Variants in ABCF1 observed in about 807,000 individuals in gnomAD.
ABCF1 encodes ATP-binding cassette sub-family F member 1.
A neutral mutation model predicts 126.3 loss-of-function variants in ABCF1; 73 were observed. The ratio of observed to expected loss-of-function variants is 0.58; its 90% CI spans 0.48 to 0.70. The LOEUF (loss-of-function observed/expected upper bound fraction) is 0.70. ABCF1 is among the 30% of genes least tolerant of loss of function. The probability of loss-of-function intolerance (pLI) is 0.00; values close to 1 mark genes in which losing one functional copy is unlikely to be tolerated. For missense variants in ABCF1, 786 were observed against 1,057.5 expected, an observed-to-expected ratio of 0.74 and a Z score of 3.56; for synonymous variants, 345 against 396.4, an observed-to-expected ratio of 0.87 and a Z score of 1.54.
In ABCF1 at chr6:30,584,653, A is replaced by G. The variant is rs772173002; in HGVS notation, c.1391+87A>G. ...TTCCCTTCTCATTCTTCCAAGGCCAATAGGGAGGCTCAAGGCTTACCTCTC... is the reference window on the plus strand; with the variant it reads ...TTCCCTTCTCATTCTTCCAAGGCCAGTAGGGAGGCTCAAGGCTTACCTCTC... On this transcript the variant is annotated intron_variant, in intron 14 of 24. Coordinates refer to ENST00000326195, the MANE Select transcript of ABCF1 (RefSeq NM_001025091.2). The surrounding 1 kb of genome is among the most constrained non-coding windows in gnomAD (Gnocchi z 4.6). The G allele has an allele frequency of 2.7e-6, 4 of 1,485,138 alleles. No homozygotes were observed. The highest frequency in any genetic ancestry group is 2.8e-5 in the African/African-American group (2 of 71,432). The allele number at this position is 1,485,138 out of a possible 1,614,324, so 92.0% of individuals were successfully genotyped here. A position where few individuals can be genotyped will look rare whatever the true frequency, so the allele number is the denominator to read the frequency against.
chr6:30,585,209 G>C (rs922222352), intron 14 of ABCF1, 51 bp from the exon 15 acceptor site: 1 of 1,527,720 alleles, frequency 6.5e-7, no homozygotes. Context: ...GGGGTTGTCT[G>C]AGCAAGGATC....
intron 1 of ABCF1, among the ~76,000 whole-genome samples, chr6:30,575,110 C>A (rs1369054564): frequency 6.8e-6 from 1 of 146,934 alleles, no homozygotes; most frequent in Non-Finnish European, 1.5e-5. Context: ...CGCTGTGTCA[C>A]CCAGGCTGGA....
intron 7 of ABCF1, 46 bp from the exon 8 acceptor site, chr6:30,580,360 G>GAAA: frequency 7.9e-6 from 8 of 1,014,930 alleles, no homozygotes; most frequent in Admixed American, 4.2e-5. Context: ...AAAAAAAAAA[G>GAAA]AAAAAAAAAA....
rs1337357978 is a variant in ABCF1, at chr6:30,583,832, C to T, written c.1044C>T (p.His348=). Residue 348 remains histidine, a synonymous_variant, in exon 12 of 25, where the codon CAC becomes CAT. Transcript: ENST00000326195. The surrounding 1 kb of genome is among the most constrained non-coding windows in gnomAD (Gnocchi z 4.1). ...AGGGCAAGACCACACTCCTCAAGCA[C>T]ATTGCCAACCGAGCCCTGAGCATCC... ...NGKGKTTLLK[H]IANRALSIPP... is the part of the protein sequence containing the mutation. 2 of 1,614,184 alleles carry T rather than the reference C, an allele frequency of 1.2e-6. No individual in the cohort carries two copies. The highest frequency in any genetic ancestry group is 1.7e-6 in the Non-Finnish European group (2 of 1,180,034).
rs765058477 is a variant in ABCF1 at position 30,586,761 on chromosome 6, C to T, written c.2031+50C>T. 2.6e-5 allele frequency: 41 copies of T among 1,592,382 alleles called. No homozygotes were observed. Among genetic ancestry groups the T allele is most frequent in the Non-Finnish European group, 3.4e-5 (40 of 1,162,266 alleles). ...GAGCATGAGAAATGTGAAGACACAGCTGCTTTTGCCAGAAGCTGGAATCAG... is the reference window on the plus strand; with the variant it reads ...GAGCATGAGAAATGTGAAGACACAGTTGCTTTTGCCAGAAGCTGGAATCAG... On this transcript the variant is annotated intron_variant, in intron 20 of 24. Transcript: ENST00000326195. This position sits in a 1 kb window ranked among gnomAD's most constrained non-coding sequence, Gnocchi z 4.9.
intron 20 of ABCF1, among the ~76,000 whole-genome samples, chr6:30,589,213 G>T (rs1018582192): frequency 1.3e-5 from 2 of 151,890 alleles, no homozygotes; most frequent in African/African-American, 4.8e-5. Flanking sequence ...TGGCCAGCCT[G>T]GTCTCAAACT....
rs764298332 is a variant in ABCF1 at position 30,580,470 on chromosome 6, A to G, written c.629A>G (p.Glu210Gly). 6.5e-7 allele frequency: 1 copy of G among 1,529,514 alleles called. No individual in the cohort carries two copies. The highest frequency in any genetic ancestry group is 1.3e-5 in the South Asian group (1 of 75,952). The allele number at this position is 1,529,514 out of a possible 1,614,324, so 94.7% of individuals were successfully genotyped here. The change falls in exon 8 of 25, where the codon GAA (glutamate) becomes GGA (glycine). Residue 210 changes from glutamate to glycine, a missense_variant. Glu to Gly is a moderately conservative substitution (Grantham distance 98). This residue lies in a region of ABCF1 where 322 missense variants were observed against 322.9 expected (regional missense o/e 1.00). Coordinates refer to ENST00000326195, the MANE Select transcript of ABCF1 (RefSeq NM_001025091.2). The part of the protein sequence containing the change: ...EEDKEEEIIK[E>G]KEPPKQGKEK... ...GATAAAGAAGAAGAAATTATAAAGG[A>G]AAAGGAGCCTCCCAAACAAGGGAAG...
At position 30,585,896 on chromosome 6, in the gene ABCF1, T is replaced by G. The variant is rs748765227; in HGVS notation, c.1618T>G (p.Tyr540Asp). 6.2e-7 allele frequency: 1 copy of G among 1,606,762 alleles called. No individual in the cohort carries two copies. Among genetic ancestry groups the G allele is most frequent in the South Asian group, 1.1e-5 (1 of 90,310 alleles). ...TGCCCCAGTGACCTTCAAAAAGATG[T>G]ACCAGCAGAAGCAGAAAGAACTGCT... ...RGNYMTFKKM[Y>D]QQKQKELLKQ... The change falls in exon 17 of 25, where the codon TAC (tyrosine) becomes GAC (aspartate). Residue 540 changes from tyrosine to aspartate, a missense_variant. This residue lies in a region of ABCF1 where 288 missense variants were observed against 423.5 expected (regional missense o/e 0.68). Transcript: ENST00000326195.
intron 1 of ABCF1, among the ~76,000 whole-genome samples, chr6:30,573,914 T>C (rs961849685): frequency 7.2e-5 from 11 of 152,026 alleles, no homozygotes; most frequent in African/African-American, 2.2e-4. Context: ...TACGAAACAG[T>C]AATGGGGGAG....
In ABCF1 at chr6:30,583,958, G is replaced by C. The variant is rs556546828; in HGVS notation, c.1102+68G>C. The C allele has an allele frequency of 2.6e-6, 4 of 1,554,540 alleles. No individual in the cohort carries two copies. The highest frequency in any genetic ancestry group is 3.5e-6 in the Non-Finnish European group (4 of 1,131,000). On this transcript the variant is annotated intron_variant, in intron 12 of 24. Coordinates refer to ENST00000326195, the MANE Select transcript of ABCF1 (RefSeq NM_001025091.2). The surrounding 1 kb of genome is among the most constrained non-coding windows in gnomAD (Gnocchi z 4.1). The stretch of plus-strand genomic sequence containing the variant: ...TTGGGTAGAAAAGCCAGCCAGCCAA[G>C]AATAGAAGAAATTGTGGCTATGGAG...
chr6:30,579,836 T>G, intron 6 of ABCF1, 95 bp from the exon 7 acceptor site: 1 of 1,235,668 alleles, frequency 8.1e-7, no homozygotes, highest in South Asian at 1.4e-5. Flanking sequence ...ATGTGTATGG[T>G]TAACACAGTA....
At chr6:30,577,159 G>T (rs562870994) in intron 1 of ABCF1, among the ~76,000 whole-genome samples, 4 of 152,294 alleles carry the variant, frequency 2.6e-5, no homozygotes, top group Non-Finnish European at 4.4e-5. Flanking sequence ...CTTGTTCATT[G>T]CTATGATCCC....
intron 8 of ABCF1, among the ~76,000 whole-genome samples, chr6:30,580,824 C>T (rs1801780270): frequency 3.9e-5 from 6 of 151,940 alleles, no homozygotes; most frequent in Admixed American, 3.9e-4. Context: ...CAAGTGTGCA[C>T]CACTACCCCT....
intron 1 of ABCF1, 82 bp from the exon 2 acceptor site, chr6:30,577,327 G>T (rs1191538937): frequency 7.6e-7 from 1 of 1,308,650 alleles, no homozygotes; most frequent in East Asian, 2.3e-5. Context: ...ATAGGATAGA[G>T]GCTACAGAGA....
intron 8 of ABCF1, among the ~76,000 whole-genome samples, chr6:30,581,431 T>G (rs1801811761): frequency 8.1e-6 from 1 of 123,118 alleles, no homozygotes; most frequent in African/African-American, 3.2e-5. Flanking sequence ...TGAGATGGAG[T>G]CTCACTCCGT....
In ABCF1 at chr6:30,584,103, T is replaced by C; in HGVS notation, c.1103-89T>C. On this transcript the variant is annotated intron_variant, in intron 12 of 24. Coordinates refer to ENST00000326195, the MANE Select transcript of ABCF1 (RefSeq NM_001025091.2). This position sits in a 1 kb window ranked among gnomAD's most constrained non-coding sequence, Gnocchi z 4.6. ...AACAAGTACAAAGAGCTGGGCAGGG[T>C]CAGGCAAAACAGAAATGTAATTGAA... 1 of 1,535,428 alleles carries C rather than the reference T, an allele frequency of 6.5e-7. No homozygotes were observed. The highest frequency in any genetic ancestry group is 8.8e-7 in the Non-Finnish European group (1 of 1,141,084).
chr6:30,572,869 T>A (rs1801325049), intron 1 of ABCF1, among the ~76,000 whole-genome samples: 1 of 152,148 alleles, frequency 6.6e-6, no homozygotes, highest in South Asian at 2.1e-4. Context: ...CAAGGAAGTT[T>A]GTGGAAGGTA....
chr6:30,582,764 G>A (rs1013042290), intron 9 of ABCF1, among the ~76,000 whole-genome samples: 3 of 152,172 alleles, frequency 2.0e-5, no homozygotes, highest in African/African-American at 7.2e-5. Context: ...CGTGATCTCT[G>A]TTCACTGCAG....
At chr6:30,580,173 GTC>G (rs2127408830) in intron 7 of ABCF1, among the ~76,000 whole-genome samples, 168 bp downstream of exon 7, 1 of 151,908 alleles carries the variant, frequency 6.6e-6, no homozygotes, top group African/African-American at 2.4e-5. Context: ...GTAAAACCCC[GTC>G]TCTACTAAAA....
Sources: allele counts gnomAD v4.1 joint callset (sites outside exome capture counted in the v4.1 genomes callset), GRCh38; gene constraint gnomAD v4.1.1; regional missense constraint gnomAD v4.1.1; non-coding constraint Gnocchi (gnomAD v3.1); transcripts MANE v1.5; gene names NCBI Gene and HGNC (gene_info 2026-07-23, HGNC 2026-07-21).